The following ESR1 variants were observed in gnomAD, a reference collection of about 807,000 sequenced individuals.
The protein encoded by ESR1 is estrogen receptor 1, also known as estrogen receptor.
Under a neutral mutation model 52.7 loss-of-function variants are expected in ESR1, and 12 were observed. That is an observed-to-expected ratio of 0.23 (90% CI 0.15 to 0.37). The LOEUF is 0.37. Ranked by LOEUF, ESR1 falls within the 10% of genes least tolerant of loss-of-function variation. The probability of loss-of-function intolerance (pLI) is 1.00; values close to 1 mark genes in which losing one functional copy is unlikely to be tolerated. For synonymous variants in ESR1, 305 were observed against 316.8 expected, an observed-to-expected ratio of 0.96 and a Z score of 0.39; for missense variants, 584 against 779.7, an observed-to-expected ratio of 0.75 and a Z score of 2.99.
chr6:151,851,072 G>A (rs1786608515), intron 2 of ESR1, among the ~76,000 whole-genome samples: 1 of 152,176 alleles, frequency 6.6e-6, no homozygotes, highest in East Asian at 1.9e-4. Flanking sequence ...CCTTAAACAA[G>A]AGTTCAAGGA....
rs113873223 is a variant in ESR1 at position 151,708,726 on chromosome 6, C to A, written c.-71+6721C>A. On this transcript the variant is annotated intron_variant, in intron 2 of 2. Transcript: ENST00000404742. ...TTATCTGTCAATTACCAATGGATAT[C>A]CTTGACCTATTTCTCCCTTATATGG... is the stretch of plus-strand genomic sequence containing the variant. Among the ~76,000 whole-genome samples, 369 of 152,128 alleles carry A rather than the reference C, an allele frequency of 2.4e-3. 2 individuals carry two copies. Among genetic ancestry groups the A allele is most frequent in the African/African-American group, 8.3e-3 (345 of 41,522 alleles).
At chr6:152,105,452 G>C (rs1017631547), downstream of ESR1, among the ~76,000 whole-genome samples, 7 of 146,448 alleles carry the variant, frequency 4.8e-5, no homozygotes, top group African/African-American at 1.8e-4. Flanking sequence ...TTGAGATGGA[G>C]TTTTGTTCTG....
chr6:151,968,706 GT>G (rs2038570374), intron 4 of ESR1, among the ~76,000 whole-genome samples: 1 of 151,968 alleles, frequency 6.6e-6, no homozygotes, highest in South Asian at 2.1e-4. Flanking sequence ...ATGTGAAAAA[GT>G]TTCCCTGCCA....
At chr6:152,009,124 G>C (rs904523842) in intron 4 of ESR1, among the ~76,000 whole-genome samples, 1 of 151,908 alleles carries the variant, frequency 6.6e-6, no homozygotes, top group Non-Finnish European at 1.5e-5. Flanking sequence ...CACCCCCTGG[G>C]GATCTGAAAC....
chr6:151,849,656 AT>A (rs948065501), intron 2 of ESR1, among the ~76,000 whole-genome samples: 3 of 149,852 alleles, frequency 2.0e-5, no homozygotes, highest in Non-Finnish European at 4.5e-5. Flanking sequence ...AAAAAAAAAA[AT>A]AATAATGATA....
At chr6:152,113,929 C>G (rs1345302731) in intron 6 of ESR1, among the ~76,000 whole-genome samples, 2 of 152,150 alleles carry the variant, frequency 1.3e-5, no homozygotes, top group African/African-American at 2.4e-5. Context: ...GGGGACTGAG[C>G]CAAGGTATTT....
At chr6:151,718,916 G>A (rs182606972) in intron 2 of ESR1, among the ~76,000 whole-genome samples, 31 of 151,832 alleles carry the variant, frequency 2.0e-4, no homozygotes, top group East Asian at 7.7e-4. Context: ...TTCTTCTTCC[G>A]CATATTAGGC....
At chr6:151,857,249 A>T (rs191105731) in intron 2 of ESR1, among the ~76,000 whole-genome samples, 57 of 152,320 alleles carry the variant, frequency 3.7e-4, no homozygotes, top group Admixed American at 2.0e-3. Flanking sequence ...AAGCAATATA[A>T]CAACTGTTTA....
intron 6 of ESR1, among the ~76,000 whole-genome samples, chr6:152,093,920 T>C (rs959528709): frequency 1.3e-5 from 2 of 152,172 alleles, no homozygotes; most frequent in East Asian, 1.9e-4. Context: ...AGTCAGCAGA[T>C]TGGGTTTCAT....
At chr6:151,790,440 G>A (rs966272868) in intron 2 of ESR1, among the ~76,000 whole-genome samples, 1 of 152,170 alleles carries the variant, frequency 6.6e-6, no homozygotes, top group Admixed American at 6.5e-5. Context: ...GCAGATGAGG[G>A]CAGCCATGTC....
intron 5 of ESR1, among the ~76,000 whole-genome samples, chr6:152,051,343 G>A (rs1050453977): frequency 6.6e-6 from 1 of 152,002 alleles, no homozygotes; most frequent in East Asian, 1.9e-4. Flanking sequence ...TCCCCAGGCT[G>A]CCCAGCACTG....
intron 5 of ESR1, among the ~76,000 whole-genome samples, chr6:152,046,755 C>T (rs1425247544): frequency 2.6e-5 from 4 of 152,218 alleles, no homozygotes; most frequent in Non-Finnish European, 5.9e-5. Context: ...ACTCTGCTCA[C>T]AGGCCTTGTT....
At chr6:151,962,326 G>A (rs1270085316) in intron 4 of ESR1, among the ~76,000 whole-genome samples, 1 of 152,026 alleles carries the variant, frequency 6.6e-6, no homozygotes, top group Non-Finnish European at 1.5e-5. Context: ...AAACCCAAGT[G>A]GGTTACCTAA....
At chr6:152,108,786 T>G in intron 6 of ESR1, among the ~76,000 whole-genome samples, 1 of 152,236 alleles carries the variant, frequency 6.6e-6, no homozygotes, top group Non-Finnish European at 1.5e-5. Flanking sequence ...CTTAAGCCTT[T>G]GGGAACATTT....
At chr6:151,736,682 G>A (rs1376438759) in intron 2 of ESR1, among the ~76,000 whole-genome samples, 1 of 152,040 alleles carries the variant, frequency 6.6e-6, no homozygotes, top group Non-Finnish European at 1.5e-5. Context: ...CCTGGCCCAG[G>A]TAGTGTTCTA....
At chr6:151,845,967 C>G (rs1785042339) in intron 2 of ESR1, among the ~76,000 whole-genome samples, 1 of 152,124 alleles carries the variant, frequency 6.6e-6, no homozygotes, top group Admixed American at 6.5e-5. Flanking sequence ...AAGGGGGATA[C>G]AGACTGATAA....
chr6:151,927,939 G>T (rs1316287086), intron 3 of ESR1, among the ~76,000 whole-genome samples: 3 of 151,990 alleles, frequency 2.0e-5, no homozygotes, highest in African/African-American at 7.2e-5. Context: ...GGCCAGGTTG[G>T]TCTTGAACTC....
At chr6:151,753,247 T>C (rs951478908) in intron 2 of ESR1, among the ~76,000 whole-genome samples, 1 of 152,122 alleles carries the variant, frequency 6.6e-6, no homozygotes, top group Admixed American at 6.5e-5. Context: ...GTAGACAATT[T>C]CTATATACAC....
intron 1 of ESR1, among the ~76,000 whole-genome samples, chr6:151,838,668 A>G (rs925947801): frequency 6.6e-6 from 1 of 152,336 alleles, no homozygotes; most frequent in South Asian, 2.1e-4. Flanking sequence ...TTTAAATAAC[A>G]TTTTGACAGT....
Sources: gnomAD v4.1 joint callset for allele counts (sites outside exome capture counted in the v4.1 genomes callset) on GRCh38, gnomAD v4.1.1 for gene constraint, MANE v1.5 for transcripts, NCBI Gene and HGNC (gene_info 2026-07-23, HGNC 2026-07-21) for gene names.